Variants in CHD3 observed in about 807,000 individuals in gnomAD.
CHD3 encodes the protein chromodomain helicase DNA binding protein 3.
Under a neutral mutation model 248.9 loss-of-function variants are expected in CHD3, and 52 were observed. The ratio of observed to expected loss-of-function variants is 0.21; its 90% CI spans 0.17 to 0.26. The LOEUF (loss-of-function observed/expected upper bound fraction) is 0.26, where lower values mean the gene tolerates loss of function less well. CHD3 is among the 10% of genes least tolerant of loss of function. The probability of loss-of-function intolerance (pLI) is 1.00; values close to 1 mark genes in which losing one functional copy is unlikely to be tolerated. For synonymous variants in CHD3, 985 were observed against 985.2 expected (o/e 1.00, Z 0.00); for missense variants, 1,482 against 2,605.8 (o/e 0.57, Z 9.39).
intron 4 of CHD3, 40 bp from the exon 5 acceptor site, chr17:7,893,246 A>G: frequency 6.4e-7 from 1 of 1,550,688 alleles, no homozygotes; most frequent in Non-Finnish European, 8.7e-7. Context: ...TTCCCAGACC[A>G]TCTGTGAAGG....
Position 7,889,879 on chromosome 17 carries a change from T to A in CHD3, c.213+103T>A. 2 of 1,183,696 alleles carry A rather than the reference T, an allele frequency of 1.7e-6. No homozygotes were observed. The highest frequency in any genetic ancestry group is 2.4e-6 in the Non-Finnish European group (2 of 828,680). The allele number at this position is 1,183,696 out of a possible 1,614,324, so 73.3% of individuals were successfully genotyped here. A position where few individuals can be genotyped will look rare whatever the true frequency, so the allele number is the denominator to read the frequency against. The stretch of plus-strand genomic sequence containing the variant: ...GATTACTGGTGTGGGGGTGGGGTTC[T>A]GAAGCCAGGGAGGCTTGATCCCCCG... On this transcript the variant is annotated intron_variant, in intron 2 of 39. Transcript: ENST00000330494. This position sits in a 1 kb window ranked among gnomAD's most constrained non-coding sequence, Gnocchi z 4.5.
At position 7,888,884 on chromosome 17, in the gene CHD3, G is replaced by T; in HGVS notation, c.-117G>T. The T allele has an allele frequency of 6.6e-7, 1 of 1,524,690 alleles. No homozygotes were observed. The allele number at this position is 1,524,690 out of a possible 1,614,324, so 94.4% of individuals were successfully genotyped here. A position where few individuals can be genotyped will look rare whatever the true frequency, so the allele number is the denominator to read the frequency against. The stretch of plus-strand genomic sequence containing the variant: ...GTGAAGGGTGAGATCGGGAAACAAA[G>T]GGTATGGCCCCCTAGTTCCCAAAGG... On this transcript the variant is annotated 5_prime_UTR_variant, in exon 1 of 40. In the 5' UTR this introduces an upstream ATG that the reference lacks. Coordinates refer to ENST00000330494, the MANE Select transcript of CHD3 (RefSeq NM_001005273.3).
Position 7,907,058 on chromosome 17 carries a change from A to G in CHD3, c.4666+27A>G, listed in dbSNP as rs747800972. 3 of 1,613,794 alleles carry G rather than the reference A, an allele frequency of 1.9e-6. No individual in the cohort carries two copies. Among genetic ancestry groups the G allele is most frequent in the South Asian group, 2.2e-5 (2 of 91,056 alleles). On this transcript the variant is annotated intron_variant, in intron 30 of 39. Coordinates refer to ENST00000330494, the MANE Select transcript of CHD3 (RefSeq NM_001005273.3). This position sits in a 1 kb window ranked among gnomAD's most constrained non-coding sequence, Gnocchi z 4.3. ...TAATCAGAAGTCAGGATGGTGGGAGAGACAGAAAGGGAGCCAGGAGTCAGG... is the reference window on the plus strand; with the variant it reads ...TAATCAGAAGTCAGGATGGTGGGAGGGACAGAAAGGGAGCCAGGAGTCAGG...
Position 7,904,364 on chromosome 17 carries a change from A to G in CHD3, c.3895-78A>G. The G allele has an allele frequency of 1.4e-6, 2 of 1,380,844 alleles. No individual in the cohort carries two copies. Among genetic ancestry groups the G allele is most frequent in the Non-Finnish European group, 2.0e-6 (2 of 990,830 alleles). 85.5% of individuals were successfully genotyped at this position (1,380,844 alleles called of 1,614,324 possible). A position where few individuals can be genotyped will look rare whatever the true frequency, so the allele number is the denominator to read the frequency against. On this transcript the variant is annotated intron_variant, in intron 24 of 39. Transcript: ENST00000330494. This position sits in a 1 kb window ranked among gnomAD's most constrained non-coding sequence, Gnocchi z 4.4. ...GGAGACCGGATTGGGCTGACGCAGC[A>G]GAGTAGGGATTTCCTTGCAGTGGAA...
At position 7,910,638 on chromosome 17, in the gene CHD3, C is replaced by T. The variant is rs1367246684; in HGVS notation, c.5754+47C>T. The T allele has an allele frequency of 1.3e-6, 2 of 1,576,392 alleles. No individual in the cohort carries two copies. Among genetic ancestry groups the T allele is most frequent in the South Asian group, 1.1e-5 (1 of 87,914 alleles). ...TCCAGTTTTCCCTGTTTGTGTTCCT[C>T]CTGCACACATACAAACACTTCCATC... On this transcript the variant is annotated intron_variant, in intron 38 of 39. Coordinates refer to ENST00000330494, the MANE Select transcript of CHD3 (RefSeq NM_001005273.3). The surrounding 1 kb of genome is among the most constrained non-coding windows in gnomAD (Gnocchi z 4.7).
chr17:7,893,761 A>G, intron 5 of CHD3, 44 bp from the exon 6 acceptor site: 1 of 1,605,508 alleles, frequency 6.2e-7, no homozygotes, highest in Non-Finnish European at 8.5e-7. Flanking sequence ...CCAGGATGTC[A>G]TGACCTCTCC....
At chr17:7,885,886 C>T (rs1428410386), upstream of CHD3, among the ~76,000 whole-genome samples, 1 of 152,218 alleles carries the variant, frequency 6.6e-6, no homozygotes, top group African/African-American at 2.4e-5. Context: ...CCTCGCTCCC[C>T]CAGCCTGTGC....
At position 7,901,268 on chromosome 17, in the gene CHD3, G is replaced by A. The variant is rs776971795; in HGVS notation, c.3145G>A (p.Ala1049Thr). The A allele has an allele frequency of 1.2e-6, 2 of 1,612,228 alleles. No individual in the cohort carries two copies. Among genetic ancestry groups the A allele is most frequent in the South Asian group, 2.2e-5 (2 of 90,926 alleles). The change falls in exon 20 of 40, where the codon GCT becomes ACT. Residue 1049 changes from alanine (A) to threonine (T), a missense_variant. Around this residue, in one of 20 missense-constraint regions of CHD3, gnomAD observed 31 missense variants for 53.9 expected, o/e 0.58. Transcript: ENST00000330494. ...AMESPKLPSG[A>T]YEGGALIKSS... ...GGAGTCCCCCAAACTCCCCAGTGGGGCTTATGAGGGTGGGGCACTTATTAA... is the reference window on the plus strand; with the variant it reads ...GGAGTCCCCCAAACTCCCCAGTGGGACTTATGAGGGTGGGGCACTTATTAA...
chr17:7,910,843 C>G lies in CHD3; in HGVS notation c.5755-4C>G, dbSNP rs770331035. ...CTCCAACTTCTGCTTCCTCTCTGTTCCAGGCCTACCCGCCGGGTCCCTACG... is the reference window on the plus strand; with the variant it reads ...CTCCAACTTCTGCTTCCTCTCTGTTGCAGGCCTACCCGCCGGGTCCCTACG... On this transcript the variant is annotated splice_region_variant and splice_polypyrimidine_tract_variant and intron_variant, in intron 38 of 39. Coordinates refer to ENST00000330494, the MANE Select transcript of CHD3 (RefSeq NM_001005273.3). The surrounding 1 kb of genome is among the most constrained non-coding windows in gnomAD (Gnocchi z 4.7). The G allele has an allele frequency of 3.1e-6, 5 of 1,598,810 alleles. No homozygotes were observed. In the South Asian group the frequency reaches 3.4e-5, roughly 11 times the overall value.
At chr17:7,892,187 T>G (rs1211220033) in intron 4 of CHD3, among the ~76,000 whole-genome samples, 1 of 152,182 alleles carries the variant, frequency 6.6e-6, no homozygotes, top group East Asian at 1.9e-4. Flanking sequence ...AACTTGGGGC[T>G]TTTCTCAGCA....
intron 21 of CHD3, 90 bp from the exon 22 acceptor site, chr17:7,902,847 G>A (rs984020715): frequency 1.8e-5 from 28 of 1,584,852 alleles, no homozygotes; most frequent in African/African-American, 9.4e-5. Context: ...TGAGTTGGGG[G>A]CATGGTTGTT....
intron 20 of CHD3, 88 bp from the exon 21 acceptor site, chr17:7,902,522 G>A: frequency 1.3e-6 from 1 of 795,544 alleles, no homozygotes; most frequent in South Asian, 1.6e-5. Context: ...GTAAAGATTA[G>A]GGTTGAGTTT....
rs2151508314 is a variant in CHD3, at chr17:7,894,462, G to A, written c.1123G>A (p.Glu375Lys). Residue 375 changes from glutamate to lysine, a missense_variant, in exon 8 of 40, where the codon GAG becomes AAG. Glu to Lys is a moderately conservative substitution (Grantham distance 56). Coordinates refer to ENST00000330494, the MANE Select transcript of CHD3 (RefSeq NM_001005273.3). Reference protein sequence around the residue: ...VAGEEEVDGYETDHQDYCEVC... With the variant: ...VAGEEEVDGYKTDHQDYCEVC... ...CGGGGAGGAGGAGGTTGATGGCTACGAGACGGATCACCAGGATTACTGTGA... is the reference window on the plus strand; with the variant it reads ...CGGGGAGGAGGAGGTTGATGGCTACAAGACGGATCACCAGGATTACTGTGA... 1.9e-6 allele frequency: 3 copies of A among 1,614,118 alleles called. No individual in the cohort carries two copies. The highest frequency in any genetic ancestry group is 2.5e-6 in the Non-Finnish European group (3 of 1,180,006).
At position 7,899,799 on chromosome 17, in the gene CHD3, C is replaced by T. The variant is rs1970100540; in HGVS notation, c.2545-97C>T. On this transcript the variant is annotated intron_variant, in intron 15 of 39. Transcript: ENST00000330494. The surrounding 1 kb of genome is among the most constrained non-coding windows in gnomAD (Gnocchi z 6.8). ...TGCTTGGAGAACAGAGTAATGGCTC[C>T]TGTTGGGAGCCACAGTCAGGACAAG... 1 of 1,467,230 alleles carries T rather than the reference C, an allele frequency of 6.8e-7. No homozygotes were observed. 90.9% of individuals were successfully genotyped at this position (1,467,230 alleles called of 1,614,324 possible). A position where few individuals can be genotyped will look rare whatever the true frequency, so the allele number is the denominator to read the frequency against.
At chr17:7,885,264 A>C, upstream of CHD3, 1 of 313,724 alleles carries the variant, frequency 3.2e-6, no homozygotes, top group Non-Finnish European at 4.3e-6. Context: ...GGCGGCTGCG[A>C]CCGCGGGGCC....
intron 4 of CHD3, among the ~76,000 whole-genome samples, chr17:7,891,862 CAAAA>C (rs201268003): frequency 1.6e-5 from 2 of 123,654 alleles, no homozygotes; most frequent in African/African-American, 6.0e-5. Flanking sequence ...AACTCCGTCT[CAAAA>C]AAAAAAAAAG....
In CHD3 at chr17:7,910,659, C is replaced by A. The variant is rs549229374; in HGVS notation, c.5754+68C>A. 3 of 1,548,392 alleles carry A rather than the reference C, an allele frequency of 1.9e-6. No homozygotes were observed. Among genetic ancestry groups the A allele is most frequent in the East Asian group, 4.5e-5 (2 of 44,380 alleles). On this transcript the variant is annotated intron_variant, in intron 38 of 39. Transcript: ENST00000330494. This position sits in a 1 kb window ranked among gnomAD's most constrained non-coding sequence, Gnocchi z 4.7. ...TCCTCCTGCACACATACAAACACTT[C>A]CATCAGAATCCTATACAATATGGAA...
In CHD3 at chr17:7,897,268, G is replaced by T; in HGVS notation, c.1893G>T (p.Met631Ile). 6.2e-7 allele frequency: 1 copy of T among 1,613,874 alleles called. No homozygotes were observed. Among genetic ancestry groups the T allele is most frequent in the South Asian group, 1.1e-5 (1 of 91,056 alleles). ...GTTTTGGCATCAAGCCAGAGTGGATGACCGTCCACCGCATCATCAACCACA... is the reference window on the plus strand; with the variant it reads ...GTTTTGGCATCAAGCCAGAGTGGATTACCGTCCACCGCATCATCAACCACA... ...YYRFGIKPEW[M>I]TVHRIINHSV... is the part of the protein sequence containing the mutation. The change falls in exon 11 of 40, where the codon ATG becomes ATT. Residue 631 changes from methionine to isoleucine, a missense_variant. Coordinates refer to ENST00000330494, the MANE Select transcript of CHD3 (RefSeq NM_001005273.3). The surrounding 1 kb of genome is among the most constrained non-coding windows in gnomAD (Gnocchi z 4.8).
At position 7,906,458 on chromosome 17, in the gene CHD3, G is replaced by A; in HGVS notation, c.4359-95G>A. On this transcript the variant is annotated intron_variant, in intron 28 of 39. Coordinates refer to ENST00000330494, the MANE Select transcript of CHD3 (RefSeq NM_001005273.3). This position sits in a 1 kb window ranked among gnomAD's most constrained non-coding sequence, Gnocchi z 5.0. ...GCCCTGGAGCACCTGGGGATTTGGG[G>A]GTTTGGGGGTCCTCAGTCATCCTCG... 2 of 1,356,828 alleles carry A rather than the reference G, an allele frequency of 1.5e-6. No homozygotes were observed. The highest frequency in any genetic ancestry group is 2.6e-4 in the Middle Eastern group (1 of 3,808). 84.0% of individuals were successfully genotyped at this position (1,356,828 alleles called of 1,614,324 possible). A position where few individuals can be genotyped will look rare whatever the true frequency, so the allele number is the denominator to read the frequency against.
Sources: allele counts gnomAD v4.1 joint callset (sites outside exome capture counted in the v4.1 genomes callset), GRCh38; gene constraint gnomAD v4.1.1; regional missense constraint gnomAD v4.1.1; non-coding constraint Gnocchi (gnomAD v3.1); transcripts MANE v1.5; gene names NCBI Gene and HGNC (gene_info 2026-07-23, HGNC 2026-07-21).